Variants in TGM6 observed in about 807,000 individuals in gnomAD.
TGM6 encodes the protein protein-glutamine gamma-glutamyltransferase 6.
In TGM6, 74 loss-of-function variants were observed where a neutral mutation model predicts 77.5. The observed-to-expected ratio is 0.96, with a 90% CI of 0.79 to 1.16. The LOEUF (loss-of-function observed/expected upper bound fraction) is 1.16. Ranked by LOEUF, TGM6 falls within the 50% of genes most tolerant of loss-of-function variation. The pLI is 0.00. For missense variants in TGM6, 968 were observed against 940.2 expected (o/e 1.03, Z -0.39); for synonymous variants, 383 against 378.9 (o/e 1.01, Z -0.12).
chr20:2,407,613 C>CA (rs1385604672), intron 9 of TGM6, among the ~76,000 whole-genome samples: 3 of 152,118 alleles, frequency 2.0e-5, no homozygotes, highest in Non-Finnish European at 2.9e-5. Context: ...GACTCTGTCT[C>CA]AAAAAATAAA....
At chr20:2,392,643 T>C (rs1441157172) in intron 1 of TGM6, among the ~76,000 whole-genome samples, 1 of 152,190 alleles carries the variant, frequency 6.6e-6, no homozygotes, top group Non-Finnish European at 1.5e-5. Context: ...CCAGGAACAG[T>C]GGTCACGCCT....
chr20:2,403,518 G>A lies in TGM6; in HGVS notation c.1093+18G>A. On this transcript the variant is annotated intron_variant, in intron 8 of 12. Transcript: ENST00000202625. ...GAGTGAAGGTACGCTCAATTGGGTGGGGTAAGTTCCAGACCCCTGCTTTTC... is the reference window on the plus strand; with the variant it reads ...GAGTGAAGGTACGCTCAATTGGGTGAGGTAAGTTCCAGACCCCTGCTTTTC... 1 of 1,614,124 alleles carries A rather than the reference G, an allele frequency of 6.2e-7. No homozygotes were observed. The highest frequency in any genetic ancestry group is 8.5e-7 in the Non-Finnish European group (1 of 1,180,026).
Position 2,396,641 on chromosome 20 carries a change from G to T in TGM6, c.543+17G>T. 7 of 1,612,886 alleles carry T rather than the reference G, an allele frequency of 4.3e-6. No individual in the cohort carries two copies. In the Middle Eastern group the frequency reaches 8.3e-4, roughly 190 times the overall value. On this transcript the variant is annotated intron_variant, in intron 4 of 12. Coordinates refer to ENST00000202625, the MANE Select transcript of TGM6 (RefSeq NM_198994.3). ...TACGGGCAGGTCTCCAGGGGCACAG[G>T]CCAGACAAGGATGTGGGCTGGGGCA...
chr20:2,385,421 G>C (rs1238252395), intron 1 of TGM6, among the ~76,000 whole-genome samples: 1 of 152,088 alleles, frequency 6.6e-6, no homozygotes, highest in Admixed American at 6.5e-5. Context: ...GGAGTCCTTG[G>C]GGGTAATCAG....
Position 2,416,251 on chromosome 20 carries a change from C to T in TGM6, c.1337-981C>T, listed in dbSNP as rs1265339550. ...CCTGTCTCAAAAACAAACAGACAAACAAAAAGTACTACAAATATACAGAAA... is the reference window on the plus strand; with the variant it reads ...CCTGTCTCAAAAACAAACAGACAAATAAAAAGTACTACAAATATACAGAAA... On this transcript the variant is annotated intron_variant, in intron 9 of 12. Coordinates refer to ENST00000202625, the MANE Select transcript of TGM6 (RefSeq NM_198994.3). Among the ~76,000 whole-genome samples the T allele has an allele frequency of 3.3e-5, 5 of 152,110 alleles. No individual in the cohort carries two copies. The East Asian group carries it at 7.7e-4, about 23-fold the overall frequency.
chr20:2,394,541 C>A lies in TGM6; in HGVS notation c.97C>A (p.Arg33Ser), dbSNP rs147548610. The A allele has an allele frequency of 6.2e-7, 1 of 1,611,878 alleles. No individual in the cohort carries two copies. The highest frequency in any genetic ancestry group is 8.5e-7 in the Non-Finnish European group (1 of 1,179,854). Residue 33 changes from arginine to serine, a missense_variant, in exon 2 of 13, where the codon CGC becomes AGC. Physicochemically the swap from Arg to Ser is moderately radical, Grantham distance 110. Coordinates refer to ENST00000202625, the MANE Select transcript of TGM6 (RefSeq NM_198994.3). The stretch of plus-strand genomic sequence containing the variant: ...GTACCCCTGCCCTGAGCTGGTGGTT[C>A]GCAGGGGCCAGTCGTTCAGCCTCAC... ...QEYPCPELVV[R>S]RGQSFSLTLE...
At chr20:2,382,287 A>G (rs914686177) in intron 1 of TGM6, among the ~76,000 whole-genome samples, 1 of 152,176 alleles carries the variant, frequency 6.6e-6, no homozygotes, top group African/African-American at 2.4e-5. Flanking sequence ...GGCCTTGCCA[A>G]CACCAGCTCA....
At position 2,427,551 on chromosome 20, in the gene TGM6, C is replaced by T. The variant is rs79191146; in HGVS notation, c.1679-2895C>T. On this transcript the variant is annotated intron_variant, in intron 10 of 12. Transcript: ENST00000202625. ...ATTTTCAATTTTACTGATTTCTGCT[C>T]TAATTTTTATTATTTCTTTTCTTCT... Among the ~76,000 whole-genome samples the T allele has an allele frequency of 6.7e-4, 102 of 152,218 alleles. 1 individual carries two copies. The highest frequency in any genetic ancestry group is 2.3e-3 in the African/African-American group (96 of 41,552).
At chr20:2,397,621 G>A (rs1178249179) in intron 4 of TGM6, among the ~76,000 whole-genome samples, 1 of 152,218 alleles carries the variant, frequency 6.6e-6, no homozygotes, top group Non-Finnish European at 1.5e-5. Flanking sequence ...TATCAGCGAG[G>A]TGGATGTGGC....
chr20:2,383,238 A>G (rs6113950), intron 1 of TGM6, among the ~76,000 whole-genome samples: 3,650 of 152,348 alleles, frequency 0.024, 157 homozygotes, highest in African/African-American at 0.084. Context: ...GGAAGATGCC[A>G]CTGGCTTCAA....
chr20:2,412,079 C>G (rs961682376), intron 9 of TGM6, among the ~76,000 whole-genome samples: 1 of 152,042 alleles, frequency 6.6e-6, no homozygotes, highest in African/African-American at 2.4e-5. Flanking sequence ...TGAAAGCAAC[C>G]CAAGTGTCCA....
intron 1 of TGM6, among the ~76,000 whole-genome samples, chr20:2,393,016 T>G (rs760286725): frequency 1.3e-5 from 2 of 152,206 alleles, no homozygotes; most frequent in African/African-American, 2.4e-5. Flanking sequence ...CACCGCACCA[T>G]GCATTGAGGG....
intron 9 of TGM6, among the ~76,000 whole-genome samples, chr20:2,412,525 A>G: frequency 6.6e-6 from 1 of 152,150 alleles, no homozygotes; most frequent in East Asian, 1.9e-4. Context: ...AAATAGAAAG[A>G]AGACAAAAGA....
chr20:2,431,120 G>A, intron 12 of TGM6, 93 bp downstream of exon 12: 1 of 1,539,042 alleles, frequency 6.5e-7, no homozygotes, highest in South Asian at 1.2e-5. Flanking sequence ...GTGTGAGAGA[G>A]ATTCTGGACA....
At position 2,417,390 on chromosome 20, in the gene TGM6, T is replaced by C; in HGVS notation, c.1495T>C (p.Phe499Leu). 1.2e-6 allele frequency: 2 copies of C among 1,613,708 alleles called. No individual in the cohort carries two copies. The highest frequency in any genetic ancestry group is 1.7e-6 in the Non-Finnish European group (2 of 1,179,994). The change falls in exon 10 of 13, where the codon TTC (phenylalanine) becomes CTC (leucine). Residue 499 changes from phenylalanine to leucine, a missense_variant. Physicochemically the swap from Phe to Leu is conservative, Grantham distance 22. Coordinates refer to ENST00000202625, the MANE Select transcript of TGM6 (RefSeq NM_198994.3). ...CACCAAGCCCAGCATCGCTGGCAAGTTCAAGGTGCTAGAGCCTCCCATGCT... is the reference window on the plus strand; with the variant it reads ...CACCAAGCCCAGCATCGCTGGCAAGCTCAAGGTGCTAGAGCCTCCCATGCT... ...PATKPSIAGKFKVLEPPMLGH... is the reference protein window; with the variant it reads ...PATKPSIAGKLKVLEPPMLGH...
At chr20:2,393,391 G>T (rs2084641192) in intron 1 of TGM6, among the ~76,000 whole-genome samples, 1 of 152,274 alleles carries the variant, frequency 6.6e-6, no homozygotes, top group African/African-American at 2.4e-5. Flanking sequence ...GCATAGGACT[G>T]AAGTGCTGTC....
chr20:2,431,197 C>T (rs1038947574), intron 12 of TGM6, among the ~76,000 whole-genome samples, 170 bp downstream of exon 12: 1 of 152,010 alleles, frequency 6.6e-6, no homozygotes. Flanking sequence ...TTCATTCATC[C>T]AATCATTCAT....
chr20:2,416,548 T>G (rs991709361), intron 9 of TGM6, among the ~76,000 whole-genome samples: 4 of 152,262 alleles, frequency 2.6e-5, no homozygotes, highest in Non-Finnish European at 2.9e-5. Flanking sequence ...GGGCAGATTA[T>G]GCAGAAATTT....
chr20:2,430,108 G>A (rs2084914717), intron 10 of TGM6, among the ~76,000 whole-genome samples: 1 of 152,180 alleles, frequency 6.6e-6, no homozygotes, highest in South Asian at 2.1e-4. Flanking sequence ...TGGATGATGG[G>A]CTGAGAGATT....
Sources: allele counts gnomAD v4.1 joint callset (sites outside exome capture counted in the v4.1 genomes callset), GRCh38; gene constraint gnomAD v4.1.1; transcripts MANE v1.5; gene names NCBI Gene and HGNC (gene_info 2026-07-23, HGNC 2026-07-21).